FRMD5: variants seen among roughly 807,000 people sequenced by gnomAD.
The protein encoded by FRMD5 is FERM domain-containing protein 5.
FRMD5 carries 20 observed loss-of-function variants against 69.0 expected under a neutral mutation model. The ratio of observed to expected loss-of-function variants is 0.29; its 90% CI spans 0.20 to 0.42. The LOEUF (loss-of-function observed/expected upper bound fraction) is 0.42, where lower values mean the gene tolerates loss of function less well. Among genes scored for constraint, FRMD5 ranks in the 10% least tolerant of loss-of-function variants. FRMD5 has a pLI of 1.00. For missense variants in FRMD5, 595 were observed against 708.6 expected (o/e 0.84, Z 1.82); for synonymous variants, 271 against 260.1 (o/e 1.04, Z -0.40).
chr15:44,006,178 G>T (rs1302135567), intron 1 of FRMD5, among the ~76,000 whole-genome samples: 1 of 152,054 alleles, frequency 6.6e-6, no homozygotes, highest in East Asian at 1.9e-4. Flanking sequence ...AAAATCCCAG[G>T]ATCTTTAAGA....
intron 1 of FRMD5, 96 bp downstream of exon 1, chr15:44,194,856 TG>T: frequency 2.0e-6 from 2 of 1,015,176 alleles, no homozygotes; most frequent in Non-Finnish European, 3.0e-6. Flanking sequence ...GCGCTGGGGC[TG>T]GGGCGACCCC....
At chr15:43,928,242 G>A (rs892876191) in intron 1 of FRMD5, among the ~76,000 whole-genome samples, 2 of 152,176 alleles carry the variant, frequency 1.3e-5, no homozygotes, top group African/African-American at 4.8e-5. Flanking sequence ...GAGCTGCAGG[G>A]CTCTTGCATA....
chr15:43,941,479 G>A (rs2089862572), intron 1 of FRMD5, among the ~76,000 whole-genome samples: 1 of 152,094 alleles, frequency 6.6e-6, no homozygotes, highest in Admixed American at 6.6e-5. Context: ...ATAGCATTCT[G>A]GACATAACCC....
intron 1 of FRMD5, chr15:44,064,016 G>C: frequency 4.6e-6 from 1 of 219,676 alleles, no homozygotes; most frequent in Non-Finnish European, 9.2e-6. Context: ...GACAATTCTG[G>C]CATCATGGAA....
At chr15:43,899,513 C>G (rs1199381682) in intron 7 of FRMD5, among the ~76,000 whole-genome samples, 8 of 152,148 alleles carry the variant, frequency 5.3e-5, no homozygotes, top group Admixed American at 5.2e-4. Context: ...TCCTGGAATG[C>G]CAGTCTTCTT....
chr15:43,899,264 T>A (rs1173468212), intron 7 of FRMD5, among the ~76,000 whole-genome samples: 4 of 152,146 alleles, frequency 2.6e-5, no homozygotes, highest in Admixed American at 1.3e-4. Flanking sequence ...CTGGGAGAGC[T>A]GAGGAATCAT....
intron 1 of FRMD5, among the ~76,000 whole-genome samples, chr15:43,953,427 T>G (rs887426287): frequency 2.0e-5 from 3 of 152,136 alleles, no homozygotes. Flanking sequence ...GAAGCAAGCA[T>G]CACTCCTACT....
intron 1 of FRMD5, among the ~76,000 whole-genome samples, chr15:44,091,098 T>C (rs1035848667): frequency 1.3e-5 from 2 of 152,214 alleles, no homozygotes; most frequent in African/African-American, 4.8e-5. Context: ...CTGTAAGCTA[T>C]TAATAATGGT....
chr15:44,090,583 G>A (rs1030613928), intron 1 of FRMD5, among the ~76,000 whole-genome samples: 10 of 151,868 alleles, frequency 6.6e-5, no homozygotes, highest in African/African-American at 1.9e-4. Context: ...GGGATTACAG[G>A]TGCCCACCAC....
chr15:43,954,583 G>A (rs1256753870), intron 1 of FRMD5, among the ~76,000 whole-genome samples: 1 of 152,136 alleles, frequency 6.6e-6, no homozygotes, highest in Non-Finnish European at 1.5e-5. Flanking sequence ...GAGGGGAAAG[G>A]GGTTGACTCA....
intron 7 of FRMD5, among the ~76,000 whole-genome samples, chr15:43,894,816 T>A (rs1567215622): frequency 6.6e-6 from 1 of 152,200 alleles, no homozygotes; most frequent in Non-Finnish European, 1.5e-5. Flanking sequence ...GGTCCAGCTC[T>A]GCCACTCATT....
intron 1 of FRMD5, among the ~76,000 whole-genome samples, chr15:43,982,357 T>A (rs923296187): frequency 6.6e-6 from 1 of 152,210 alleles, no homozygotes; most frequent in East Asian, 1.9e-4. Context: ...GGACAAAACA[T>A]CAATGGAATC....
chr15:43,953,250 C>T (rs2090064740), intron 1 of FRMD5, among the ~76,000 whole-genome samples: 1 of 152,186 alleles, frequency 6.6e-6, no homozygotes, highest in African/African-American at 2.4e-5. Context: ...CCCAGGGGAG[C>T]AAAACTGCAC....
chr15:44,103,420 T>C (rs2076669652), intron 1 of FRMD5, among the ~76,000 whole-genome samples: 1 of 152,202 alleles, frequency 6.6e-6, no homozygotes, highest in Admixed American at 6.5e-5. Flanking sequence ...TGGTAAAATG[T>C]AGTCTTTGGC....
At chr15:43,962,760 C>G (rs2090224358) in intron 1 of FRMD5, among the ~76,000 whole-genome samples, 1 of 152,178 alleles carries the variant, frequency 6.6e-6, no homozygotes, top group East Asian at 1.9e-4. Context: ...CGCATATCTA[C>G]AACTGTCTGA....
intron 1 of FRMD5, among the ~76,000 whole-genome samples, chr15:44,141,959 A>G (rs2077280196): frequency 6.6e-6 from 1 of 152,146 alleles, no homozygotes; most frequent in Non-Finnish European, 1.5e-5. Context: ...TTATTCTTAC[A>G]TCTACTCATT....
chr15:44,105,516 C>A (rs1366410290), intron 1 of FRMD5, among the ~76,000 whole-genome samples: 1 of 152,158 alleles, frequency 6.6e-6, no homozygotes, highest in Non-Finnish European at 1.5e-5. Flanking sequence ...CATTTCTGTT[C>A]TTCATTTTTT....
chr15:44,044,902 A>T (rs1273446324), intron 1 of FRMD5, among the ~76,000 whole-genome samples: 1 of 152,160 alleles, frequency 6.6e-6, no homozygotes, highest in Non-Finnish European at 1.5e-5. Flanking sequence ...CCCAGAACTT[A>T]AAGTATTTAA....
In FRMD5 at chr15:43,905,884, A is replaced by C; in HGVS notation, c.495T>G (p.Pro165=). The part of the protein sequence containing the change: ...EGYSSKFQFF[P]KHSEKLERKI... ...TCCTTTCCAGCTTCTCTGAATGTTT[A>C]GGGAAAAACTGGAACTTGGAGCTGT... is the stretch of plus-strand genomic sequence containing the variant. The change falls in exon 6 of 14, where the codon CCT becomes CCG. Residue 165 remains proline (P), a synonymous_variant. Transcript: ENST00000417257. 2 of 1,614,232 alleles carry C rather than the reference A, an allele frequency of 1.2e-6. No homozygotes were observed. The highest frequency in any genetic ancestry group is 1.7e-6 in the Non-Finnish European group (2 of 1,180,018).
Sources: allele counts gnomAD v4.1 joint callset (sites outside exome capture counted in the v4.1 genomes callset), GRCh38; gene constraint gnomAD v4.1.1; transcripts MANE v1.5; gene names NCBI Gene and HGNC (gene_info 2026-07-23, HGNC 2026-07-21).